ZNF827: variants seen among roughly 807,000 people sequenced by gnomAD.
The protein encoded by ZNF827 is zinc finger protein 827.
In ZNF827, 13 loss-of-function variants were observed where a neutral mutation model predicts 102.4. That is an observed-to-expected ratio of 0.13 (90% CI 0.08 to 0.20). The LOEUF (loss-of-function observed/expected upper bound fraction) is 0.20. ZNF827 is among the 10% of genes least tolerant of loss of function. The probability of loss-of-function intolerance (pLI) is 1.00; values close to 1 mark genes in which losing one functional copy is unlikely to be tolerated. For missense variants in ZNF827, 1,103 were observed against 1,344.4 expected (o/e 0.82, Z 2.81); for synonymous variants, 523 against 536.2 (o/e 0.98, Z 0.34).
chr4:145,889,651 T>C (rs1360582070), intron 3 of ZNF827, among the ~76,000 whole-genome samples: 1 of 150,942 alleles, frequency 6.6e-6, no homozygotes, highest in Non-Finnish European at 1.5e-5. Flanking sequence ...CCTCCCGTAC[T>C]GACCCCACTT....
intron 1 of ZNF827, among the ~76,000 whole-genome samples, chr4:145,909,906 C>T (rs1364849150): frequency 6.6e-6 from 1 of 152,122 alleles, no homozygotes; most frequent in East Asian, 1.9e-4. Flanking sequence ...AATGCACGGC[C>T]GGCAATGGGC....
chr4:145,928,266 G>A (rs1753573901), intron 1 of ZNF827, among the ~76,000 whole-genome samples: 1 of 152,028 alleles, frequency 6.6e-6, no homozygotes. Context: ...CATCACCCAG[G>A]GAGCTTTTAA....
chr4:145,804,645 T>G (rs1579238445), intron 8 of ZNF827, among the ~76,000 whole-genome samples: 1 of 152,228 alleles, frequency 6.6e-6, no homozygotes, highest in Admixed American at 6.5e-5. Context: ...TGAAAACTCA[T>G]CTTGAACCTG....
At chr4:145,853,800 A>G (rs969118886) in intron 5 of ZNF827, among the ~76,000 whole-genome samples, 1 of 152,032 alleles carries the variant, frequency 6.6e-6, no homozygotes, top group Non-Finnish European at 1.5e-5. Flanking sequence ...ACCCTATATC[A>G]TAAAAAAGTA....
intron 8 of ZNF827, among the ~76,000 whole-genome samples, chr4:145,801,248 T>C (rs139163314): frequency 6.2e-4 from 95 of 152,308 alleles, no homozygotes; most frequent in African/African-American, 2.1e-3. Flanking sequence ...ATCAAGACCA[T>C]TGCCCTGTTA....
intron 4 of ZNF827, among the ~76,000 whole-genome samples, chr4:145,880,189 C>A (rs570685701): frequency 5.3e-4 from 80 of 152,250 alleles, no homozygotes; most frequent in South Asian, 8.3e-4. Flanking sequence ...GAGCCGAGAT[C>A]GCATCACTGA....
At chr4:145,915,208 G>A (rs1179700137) in intron 1 of ZNF827, among the ~76,000 whole-genome samples, 1 of 152,176 alleles carries the variant, frequency 6.6e-6, no homozygotes, top group Admixed American at 6.5e-5. Flanking sequence ...AGCCCTTTGG[G>A]AGGCTGAGGC....
At chr4:145,852,144 C>T (rs1008295169) in intron 5 of ZNF827, among the ~76,000 whole-genome samples, 1 of 152,164 alleles carries the variant, frequency 6.6e-6, no homozygotes, top group Non-Finnish European at 1.5e-5. Flanking sequence ...AGGACAAATA[C>T]AAAGGGATTC....
intron 8 of ZNF827, among the ~76,000 whole-genome samples, chr4:145,781,427 A>G (rs1451731542): frequency 6.6e-6 from 1 of 152,106 alleles, no homozygotes; most frequent in Non-Finnish European, 1.5e-5. Context: ...ATGTCTGGAA[A>G]TGGGAGGAGG....
At chr4:145,903,318 C>T in intron 1 of ZNF827, 103 bp from the exon 2 acceptor site, 1 of 1,460,438 alleles carries the variant, frequency 6.8e-7, no homozygotes, top group Non-Finnish European at 9.0e-7. Context: ...TCCCTTCCAC[C>T]CAAGAACCAA....
intron 8 of ZNF827, among the ~76,000 whole-genome samples, chr4:145,781,144 C>T (rs1259134830): frequency 6.9e-5 from 9 of 131,332 alleles, no homozygotes; most frequent in East Asian, 2.2e-4. Flanking sequence ...TGCAGTGAGC[C>T]GAGATTGTGC....
chr4:145,938,112 A>T (rs1301399351), intron 1 of ZNF827, among the ~76,000 whole-genome samples: 2 of 149,154 alleles, frequency 1.3e-5, no homozygotes, highest in East Asian at 4.0e-4. Context: ...GCCCGATCTC[A>T]AGGAAAAAAA....
rs566609556 is a variant in ZNF827 at position 145,853,085 on chromosome 4, A to G, written c.1982-3524T>C. Reference sequence around the variant, plus strand: ...TCCAAAGAAAGTTCAATCACCACACAAGACAAAGAAGAAAGAAAAAGCTCC... The same window carrying G: ...TCCAAAGAAAGTTCAATCACCACACGAGACAAAGAAGAAAGAAAAAGCTCC... On this transcript the variant is annotated intron_variant, in intron 5 of 14. Coordinates refer to ENST00000508784, the MANE Select transcript of ZNF827 (RefSeq NM_001306215.2). Among the ~76,000 whole-genome samples the G allele has an allele frequency of 1.9e-4, 29 of 152,340 alleles. No individual in the cohort carries two copies. In the South Asian group the frequency reaches 4.3e-3, roughly 23 times the overall value.
intron 4 of ZNF827, among the ~76,000 whole-genome samples, chr4:145,879,202 C>T (rs921087799): frequency 6.6e-6 from 1 of 152,142 alleles, no homozygotes; most frequent in African/African-American, 2.4e-5. Context: ...CTTGCTCTGT[C>T]CTTTGCAGCC....
chr4:145,916,119 A>C (rs1408048472), intron 1 of ZNF827, among the ~76,000 whole-genome samples: 1 of 152,196 alleles, frequency 6.6e-6, no homozygotes, highest in African/African-American at 2.4e-5. Context: ...TTGTGCCTGC[A>C]GCTTTCCCAG....
intron 2 of ZNF827, among the ~76,000 whole-genome samples, chr4:145,899,279 AC>A (rs2126875881): frequency 6.8e-6 from 1 of 147,314 alleles, no homozygotes; most frequent in East Asian, 2.1e-4. Context: ...TGGCCCCCAA[AC>A]CAACAGTATA....
At chr4:145,776,777 G>A (rs1230945058) in intron 9 of ZNF827, among the ~76,000 whole-genome samples, 1 of 152,154 alleles carries the variant, frequency 6.6e-6, no homozygotes, top group Non-Finnish European at 1.5e-5. Context: ...ATGAAATTAA[G>A]GGGAAAAAAT....
chr4:145,932,489 T>C (rs963391646), intron 1 of ZNF827, among the ~76,000 whole-genome samples: 4 of 152,014 alleles, frequency 2.6e-5, no homozygotes, highest in Non-Finnish European at 5.9e-5. Context: ...TTTTTTTTTT[T>C]TTTGAGACGG....
intron 9 of ZNF827, among the ~76,000 whole-genome samples, chr4:145,778,443 T>A (rs1267124741): frequency 6.7e-6 from 1 of 148,772 alleles, no homozygotes; most frequent in Non-Finnish European, 1.5e-5. Context: ...AACAAAAACC[T>A]TTTTTTTTTA....
Sources: allele counts gnomAD v4.1 joint callset (sites outside exome capture counted in the v4.1 genomes callset), GRCh38; gene constraint gnomAD v4.1.1; transcripts MANE v1.5; gene names NCBI Gene and HGNC (gene_info 2026-07-23, HGNC 2026-07-21).